The following ADGRL2 variants were observed in gnomAD, a reference collection of about 807,000 sequenced individuals.
ADGRL2 encodes adhesion G protein-coupled receptor L2, also known as calcium-independent alpha-latrotoxin receptor 2.
Under a neutral mutation model 157.4 loss-of-function variants are expected in ADGRL2, and 44 were observed. The ratio of observed to expected loss-of-function variants is 0.28; its 90% CI spans 0.22 to 0.36. The LOEUF (loss-of-function observed/expected upper bound fraction) is 0.36, where lower values mean the gene tolerates loss of function less well. Among genes scored for constraint, ADGRL2 ranks in the 10% least tolerant of loss-of-function variants. The pLI is 1.00. For missense variants in ADGRL2, 1,510 were observed against 1,768.9 expected (o/e 0.85, Z 2.63); for synonymous variants, 585 against 624.7 (o/e 0.94, Z 0.95).
At position 81,968,021 on chromosome 1, in the gene ADGRL2, C is replaced by T. The variant is rs1407877083; in HGVS notation, c.2350-5C>T. The T allele has an allele frequency of 1.9e-6, 3 of 1,611,516 alleles. No homozygotes were observed. Among genetic ancestry groups the T allele is most frequent in the Non-Finnish European group, 2.5e-6 (3 of 1,177,944 alleles). On this transcript the variant is annotated splice_polypyrimidine_tract_variant and splice_region_variant and intron_variant, in intron 13 of 23. Coordinates refer to ENST00000686636, the MANE Select transcript of ADGRL2 (RefSeq NM_001366006.2). Reference sequence around the variant, plus strand: ...CTAATTTTATCTTGTCATTTTATTTCCCAGCCTGACAATTATTTCAATGCA... The same window carrying T: ...CTAATTTTATCTTGTCATTTTATTTTCCAGCCTGACAATTATTTCAATGCA...
intron 19 of ADGRL2, among the ~76,000 whole-genome samples, chr1:81,982,504 G>A (rs976700609): frequency 5.9e-5 from 9 of 151,902 alleles, no homozygotes; most frequent in Non-Finnish European, 1.2e-4. Flanking sequence ...ACTTACAGAT[G>A]AAAAGCTTTA....
At chr1:81,739,817 A>G (rs754926159) in intron 1 of ADGRL2, among the ~76,000 whole-genome samples, 21 of 152,226 alleles carry the variant, frequency 1.4e-4, no homozygotes, top group African/African-American at 5.1e-4. Context: ...AGGCTGTTCC[A>G]GGCATTAGGG....
intron 2 of ADGRL2, among the ~76,000 whole-genome samples, chr1:81,777,786 G>A (rs1353697): frequency 0.44 from 66,808 of 152,024 alleles, 15,297 homozygotes; most frequent in East Asian, 0.89. Context: ...ATGGATATTT[G>A]GACCTTGATT....
chr1:81,566,397 C>T (rs532007602), intron 2 of ADGRL2, among the ~76,000 whole-genome samples: 2 of 151,932 alleles, frequency 1.3e-5, no homozygotes, highest in East Asian at 3.9e-4. Context: ...TAGTTGAGAC[C>T]GGAAAATAAT....
At chr1:81,437,478 G>C (rs189062367) in intron 1 of ADGRL2, among the ~76,000 whole-genome samples, 2 of 152,282 alleles carry the variant, frequency 1.3e-5, no homozygotes, top group East Asian at 3.9e-4. Flanking sequence ...AGATGAAGTT[G>C]CTTCCATTAA....
intron 3 of ADGRL2, among the ~76,000 whole-genome samples, chr1:81,922,801 A>T (rs546387665): frequency 6.6e-6 from 1 of 152,246 alleles, no homozygotes; most frequent in African/African-American, 2.4e-5. Context: ...GGAATGCTTG[A>T]GGCCAGGAGT....
At chr1:81,906,869 A>G (rs1456688070) in intron 2 of ADGRL2, 148 bp from the exon 3 acceptor site, 10 of 636,706 alleles carry the variant, frequency 1.6e-5, no homozygotes, top group African/African-American at 1.1e-4. Context: ...GACATATTGT[A>G]GAGAACCAAA....
intron 1 of ADGRL2, among the ~76,000 whole-genome samples, chr1:81,370,406 A>G (rs74093396): frequency 0.015 from 2,246 of 152,208 alleles, 54 homozygotes; most frequent in African/African-American, 0.051. Context: ...AAATCATCCT[A>G]ATTTTATCTA....
intron 1 of ADGRL2, among the ~76,000 whole-genome samples, chr1:81,428,213 A>T (rs1436306066): frequency 6.6e-6 from 1 of 152,210 alleles, no homozygotes; most frequent in Non-Finnish European, 1.5e-5. Context: ...ACGTGTGGAC[A>T]GAATAGATAT....
chr1:81,643,812 T>A (rs2082265915), intron 3 of ADGRL2, among the ~76,000 whole-genome samples: 4 of 152,244 alleles, frequency 2.6e-5, no homozygotes, highest in Admixed American at 2.6e-4. Context: ...ATTGCCAAGA[T>A]GTCAGTTCTT....
At chr1:81,384,556 G>T (rs1048793443) in intron 1 of ADGRL2, among the ~76,000 whole-genome samples, 8 of 152,078 alleles carry the variant, frequency 5.3e-5, no homozygotes, top group South Asian at 2.1e-4. Context: ...TTTAAAAAAT[G>T]AATCATTTTT....
chr1:81,857,599 C>T (rs966516616), intron 2 of ADGRL2, among the ~76,000 whole-genome samples: 4 of 152,148 alleles, frequency 2.6e-5, no homozygotes, highest in African/African-American at 9.7e-5. Flanking sequence ...TTTTTGGTGG[C>T]AACTTTCACA....
intron 2 of ADGRL2, among the ~76,000 whole-genome samples, chr1:81,477,320 A>G (rs1006162288): frequency 6.6e-6 from 1 of 152,250 alleles, no homozygotes; most frequent in South Asian, 2.1e-4. Context: ...GACTATCCTG[A>G]CAGCCAATAA....
intron 3 of ADGRL2, among the ~76,000 whole-genome samples, chr1:81,919,267 A>G (rs1381048919): frequency 2.0e-5 from 3 of 152,114 alleles, no homozygotes; most frequent in Admixed American, 6.5e-5. Context: ...AGCTAGAATA[A>G]CCCATTTTCG....
intron 2 of ADGRL2, chr1:81,557,507 A>AAG (rs1491523695): frequency 5.0e-5 from 5 of 100,198 alleles, no homozygotes; most frequent in African/African-American, 2.1e-4. Context: ...GAAAGAAAGA[A>AAG]AGAAAGAAAG....
intron 3 of ADGRL2, among the ~76,000 whole-genome samples, chr1:81,681,105 A>C (rs949598737): frequency 6.6e-6 from 1 of 152,244 alleles, no homozygotes; most frequent in African/African-American, 2.4e-5. Flanking sequence ...CTGGAAATGA[A>C]GCAGAGAGAC....
chr1:81,392,951 A>G (rs898710420), intron 1 of ADGRL2, among the ~76,000 whole-genome samples: 46 of 151,962 alleles, frequency 3.0e-4, no homozygotes, highest in African/African-American at 8.7e-4. Context: ...ATCCAACCAA[A>G]CCATACTTCC....
chr1:81,545,981 A>G (rs1322920596), intron 2 of ADGRL2, among the ~76,000 whole-genome samples: 1 of 152,104 alleles, frequency 6.6e-6, no homozygotes, highest in Non-Finnish European at 1.5e-5. Context: ...GCAGGCCTGG[A>G]TCAGCTGTTT....
chr1:81,374,879 A>C (rs2076222959), intron 1 of ADGRL2, among the ~76,000 whole-genome samples: 1 of 152,180 alleles, frequency 6.6e-6, no homozygotes, highest in Non-Finnish European at 1.5e-5. Context: ...AAGATGATGC[A>C]AGACAGTACT....
Sources: allele counts gnomAD v4.1 joint callset (sites outside exome capture counted in the v4.1 genomes callset), GRCh38; gene constraint gnomAD v4.1.1; transcripts MANE v1.5; gene names NCBI Gene and HGNC (gene_info 2026-07-23, HGNC 2026-07-21).